KCNH3: variants seen among roughly 807,000 people sequenced by gnomAD.
KCNH3 encodes the protein potassium voltage-gated channel subfamily H member 3.
In KCNH3, 36 loss-of-function variants were observed where a neutral mutation model predicts 95.6. The ratio of observed to expected loss-of-function variants is 0.38; its 90% CI spans 0.29 to 0.50. The LOEUF is 0.50. Among genes scored for constraint, KCNH3 ranks in the 20% least tolerant of loss-of-function variants. The pLI is 0.95. For missense variants in KCNH3, 1,030 were observed against 1,484.1 expected (o/e 0.69, Z 5.03); for synonymous variants, 620 against 646.3 (o/e 0.96, Z 0.62).
intron 4 of KCNH3, 87 bp downstream of exon 4, chr12:49,542,926 G>A (rs1937925532): frequency 6.7e-7 from 1 of 1,498,500 alleles, no homozygotes. Context: ...CAGAGAGAAT[G>A]TCCTAGGGGC....
chr12:49,544,474 C>A, intron 7 of KCNH3, 92 bp downstream of exon 7: 1 of 1,238,864 alleles, frequency 8.1e-7, no homozygotes, highest in Non-Finnish European at 1.2e-6. Flanking sequence ...GTGTCCCTAC[C>A]TGTGCAAGTC....
At chr12:49,549,399 G>A in intron 8 of KCNH3, 42 bp from the exon 9 acceptor site, 1 of 1,603,474 alleles carries the variant, frequency 6.2e-7, no homozygotes. Context: ...GTCAGGCCGG[G>A]CCAGGTCCCC....
At position 49,548,095 on chromosome 12, in the gene KCNH3, C is replaced by CGTGTGTGTGT. The variant is rs369626063; in HGVS notation, c.1190-770_1190-761dup. ...CGTGGCCCGGTCTAGCCTGTGACTA[C>CGTGTGTGTGT]GTGTGTGTGTGTGTGTGTGTGTGTG... On this transcript the variant is annotated intron_variant, in intron 7 of 14. Transcript: ENST00000257981. Among the ~76,000 whole-genome samples, 1,287 of 146,688 alleles carry CGTGTGTGTGT rather than the reference C, an allele frequency of 8.8e-3. 7 individuals are homozygous for CGTGTGTGTGT. The highest frequency in any genetic ancestry group is 0.028 in the South Asian group (122 of 4,436).
At chr12:49,547,289 C>T (rs989846424) in intron 7 of KCNH3, among the ~76,000 whole-genome samples, 4 of 152,212 alleles carry the variant, frequency 2.6e-5, no homozygotes, top group African/African-American at 9.7e-5. Flanking sequence ...AATTCCTTAG[C>T]CTGGAATGTA....
intron 5 of KCNH3, 115 bp downstream of exon 5, chr12:49,543,633 G>C (rs1290433189): frequency 7.2e-7 from 1 of 1,384,886 alleles, no homozygotes; most frequent in Non-Finnish European, 9.7e-7. Flanking sequence ...TCTCTCATTT[G>C]TAACCTGTGA....
rs770102751 is a variant in KCNH3, at chr12:49,557,644, G to A, written c.2943G>A (p.Ala981=). Residue 981 remains alanine (A), a synonymous_variant, in exon 15 of 15, where the codon GCG becomes GCA. Transcript: ENST00000257981. ...CACCCTGGCCCTGGGGTCCCCCAGC[G>A]TCTCAGAGCTCCCCCTGGCCTCGAG... ...LMAPWPWGPP[A]SQSSPWPRAT... The A allele has an allele frequency of 5.6e-5, 90 of 1,613,294 alleles. 1 individual carries two copies. Among genetic ancestry groups the A allele is most frequent in the Admixed American group, 3.0e-4 (18 of 59,998 alleles).
intron 10 of KCNH3, among the ~76,000 whole-genome samples, chr12:49,552,399 G>A (rs552595854): frequency 1.3e-5 from 2 of 152,192 alleles, no homozygotes; most frequent in Non-Finnish European, 2.9e-5. Flanking sequence ...TTATGCCACC[G>A]TTGATCCATC....
chr12:49,554,277 C>G, intron 10 of KCNH3, 60 bp from the exon 11 acceptor site: 1 of 1,383,052 alleles, frequency 7.2e-7, no homozygotes, highest in Non-Finnish European at 1.0e-6. Flanking sequence ...CTGCAGCCCC[C>G]TCTTCTCTCC....
chr12:49,539,035 G>C lies in KCNH3; in HGVS notation c.-382G>C, dbSNP rs1174764733. ...GGCGCGGGAGGGAGGGAGGGAGGCTGCAGCTTCTCCCCGACAGACGGAGGG... is the reference window on the plus strand; with the variant it reads ...GGCGCGGGAGGGAGGGAGGGAGGCTCCAGCTTCTCCCCGACAGACGGAGGG... On this transcript the variant is annotated 5_prime_UTR_variant, in exon 1 of 15. Transcript: ENST00000257981. The surrounding 1 kb of genome is among the most constrained non-coding windows in gnomAD (Gnocchi z 6.7). 6.6e-6 allele frequency: 1 copy of C among 152,272 alleles called. No homozygotes were observed. The highest frequency in any genetic ancestry group is 1.5e-5 in the Non-Finnish European group (1 of 68,122). 9.4% of individuals were successfully genotyped at this position (152,272 alleles called of 1,614,324 possible). A position where few individuals can be genotyped will look rare whatever the true frequency, so the allele number is the denominator to read the frequency against.
rs1203955014 is a variant in KCNH3, at chr12:49,558,107, T to C, written c.*154T>C. On this transcript the variant is annotated 3_prime_UTR_variant, in exon 15 of 15. Coordinates refer to ENST00000257981, the MANE Select transcript of KCNH3 (RefSeq NM_012284.3). ...TGGAAGCAAAGGAGGACCTGGCTCC[T>C]GACTCTCAGAGAGGATAGGCTGGAT... 2.4e-6 allele frequency: 2 copies of C among 816,668 alleles called. No homozygotes were observed. The highest frequency in any genetic ancestry group is 3.4e-6 in the Non-Finnish European group (2 of 581,682). 50.6% of individuals were successfully genotyped at this position (816,668 alleles called of 1,614,324 possible).
chr12:49,556,485 G>A lies in KCNH3; in HGVS notation c.2575+9G>A, dbSNP rs1938449591. The A allele has an allele frequency of 1.9e-6, 3 of 1,599,604 alleles. No individual in the cohort carries two copies. In the Admixed American group the frequency reaches 5.0e-5, roughly 27 times the overall value. ...CCCCTCCCCTGGACCAGGTACCAGG[G>A]CCCCGGGATGGTCTAGGTTGGTGGG... On this transcript the variant is annotated intron_variant, in intron 13 of 14. Coordinates refer to ENST00000257981, the MANE Select transcript of KCNH3 (RefSeq NM_012284.3).
chr12:49,544,473 C>A (rs963559454), intron 7 of KCNH3, 91 bp downstream of exon 7: 8 of 1,286,962 alleles, frequency 6.2e-6, no homozygotes, highest in Non-Finnish European at 7.7e-6. Context: ...GGTGTCCCTA[C>A]CTGTGCAAGT....
Position 49,557,697 on chromosome 12 carries a change from A to C in KCNH3, c.2996A>C (p.Asp999Ala), listed in dbSNP as rs757069510. ...RATAFWTSTS[D>A]SEPPASGDLC... The stretch of plus-strand genomic sequence containing the variant: ...ACAGCTTTCTGGACCTCCACCTCAG[A>C]CTCAGAGCCCCCTGCCTCAGGAGAC... The change falls in exon 15 of 15, where the codon GAC (aspartate) becomes GCC (alanine). Residue 999 changes from aspartate to alanine, a missense_variant. Coordinates refer to ENST00000257981, the MANE Select transcript of KCNH3 (RefSeq NM_012284.3). 4.3e-6 allele frequency: 7 copies of C among 1,613,320 alleles called. No individual in the cohort carries two copies. Among genetic ancestry groups the C allele is most frequent in the Non-Finnish European group, 5.9e-6 (7 of 1,179,916 alleles).
At chr12:49,543,875 C>T (rs749110669) in intron 5 of KCNH3, 40 bp from the exon 6 acceptor site, 25 of 1,583,918 alleles carry the variant, frequency 1.6e-5, no homozygotes, top group Non-Finnish European at 2.0e-5. Context: ...GTGGCTGCCC[C>T]CCCAGCCCCA....
At position 49,555,162 on chromosome 12, in the gene KCNH3, C is replaced by T. The variant is rs969244120; in HGVS notation, c.2137-458C>T. Among the ~76,000 whole-genome samples, 7 of 151,840 alleles carry T rather than the reference C, an allele frequency of 4.6e-5. No homozygotes were observed. The South Asian group carries it at 1.0e-3, about 23-fold the overall frequency. ...ATAGATTAAGATAGTATCATCTGGC[C>T]GGGCGCGGTGGCCCACGCCTGTAAT... On this transcript the variant is annotated intron_variant, in intron 11 of 14. Transcript: ENST00000257981.
intron 13 of KCNH3, 101 bp from the exon 14 acceptor site, chr12:49,557,082 C>A: frequency 8.7e-7 from 1 of 1,152,752 alleles, no homozygotes; most frequent in Non-Finnish European, 1.3e-6. Flanking sequence ...GAGTCAGGTC[C>A]TACCAGGTCA....
intron 13 of KCNH3, 109 bp from the exon 14 acceptor site, chr12:49,557,074 G>C (rs762076284): frequency 9.3e-7 from 1 of 1,070,220 alleles, no homozygotes; most frequent in Non-Finnish European, 1.4e-6. Flanking sequence ...GATCCTAGGA[G>C]TCAGGTCCTA....
chr12:49,539,438 C>T lies in KCNH3; in HGVS notation c.22C>T (p.Leu8=). 1.3e-6 allele frequency: 2 copies of T among 1,567,726 alleles called. No individual in the cohort carries two copies. The highest frequency in any genetic ancestry group is 2.6e-5 in the East Asian group (1 of 38,430). ...TAAGATGCCGGCCATGCGGGGCCTC[C>T]TGGCGCCGCAGAACACCTTCCTGGA... MPAMRGL[L]APQNTFLDTI... Residue 8 remains leucine (L), a synonymous_variant, in exon 1 of 15, where the codon CTG becomes TTG. Coordinates refer to ENST00000257981, the MANE Select transcript of KCNH3 (RefSeq NM_012284.3). This position sits in a 1 kb window ranked among gnomAD's most constrained non-coding sequence, Gnocchi z 6.7.
rs768907391 is a variant in KCNH3, at chr12:49,555,680, A to T, written c.2197A>T (p.Thr733Ser). Residue 733 changes from threonine (T) to serine (S), a missense_variant, in exon 12 of 15, where the codon ACA (threonine) becomes TCA (serine). This residue lies in a region of KCNH3 where 464 missense variants were observed against 493.2 expected (regional missense o/e 0.94). Coordinates refer to ENST00000257981, the MANE Select transcript of KCNH3 (RefSeq NM_012284.3). Reference protein sequence around the residue: ...TLMSTLEEKETDGEQGPTVSP... With the variant: ...TLMSTLEEKESDGEQGPTVSP... ...TATGTCCACGCTGGAGGAGAAGGAGACAGATGGGGAGCAGGGCCCCACGGT... is the reference window on the plus strand; with the variant it reads ...TATGTCCACGCTGGAGGAGAAGGAGTCAGATGGGGAGCAGGGCCCCACGGT... 2.5e-6 allele frequency: 4 copies of T among 1,602,834 alleles called. No homozygotes were observed. The African/African-American group carries it at 5.4e-5, about 21-fold the overall frequency.
Sources: allele counts gnomAD v4.1 joint callset (sites outside exome capture counted in the v4.1 genomes callset), GRCh38; gene constraint gnomAD v4.1.1; regional missense constraint gnomAD v4.1.1; non-coding constraint Gnocchi (gnomAD v3.1); transcripts MANE v1.5; gene names NCBI Gene and HGNC (gene_info 2026-07-23, HGNC 2026-07-21).